Variants in RGMA observed in about 807,000 individuals in gnomAD.
RGMA encodes the protein repulsive guidance molecule A.
A neutral mutation model predicts 23.2 loss-of-function variants in RGMA; 10 were observed. That is an observed-to-expected ratio of 0.43 (90% CI 0.27 to 0.73). The LOEUF (loss-of-function observed/expected upper bound fraction) is 0.73. Among genes scored for constraint, RGMA ranks in the 30% least tolerant of loss-of-function variants. The pLI is 0.20. For missense variants in RGMA, 547 were observed against 630.5 expected (o/e 0.87, Z 1.42); for synonymous variants, 308 against 279.3 (o/e 1.10, Z -1.03).
At position 93,044,697 on chromosome 15, in the gene RGMA, G is replaced by C; in HGVS notation, c.*301C>G. ...CGGTTCCCAGTGTGTCTCTGGTGGG[G>C]GTGGGGGGCTTCAGCCTGAGGGGAT... On this transcript the variant is annotated 3_prime_UTR_variant, in exon 4 of 4. Coordinates refer to ENST00000329082, the MANE Select transcript of RGMA (RefSeq NM_020211.3). The C allele has an allele frequency of 2.2e-6, 1 of 444,668 alleles. No homozygotes were observed. The allele number at this position is 444,668 out of a possible 1,614,324, so 27.5% of individuals were successfully genotyped here.
intron 1 of RGMA, chr15:93,088,398 C>T: frequency 1.0e-6 from 1 of 985,720 alleles, no homozygotes; most frequent in Non-Finnish European, 1.2e-6. Context: ...AAGGTCCGCA[C>T]CTTCCCGTAC....
chr15:93,039,799 G>A lies in RGMA; in HGVS notation c.*5199C>T, dbSNP rs181584306. 1 of 152,276 alleles carries A rather than the reference G, an allele frequency of 6.6e-6. No individual in the cohort carries two copies. The highest frequency in any genetic ancestry group is 1.5e-5 in the Non-Finnish European group (1 of 68,070). 9.4% of individuals were successfully genotyped at this position (152,276 alleles called of 1,614,324 possible). On this transcript the variant is annotated 3_prime_UTR_variant, in exon 4 of 4. Transcript: ENST00000329082. ...TTTTCTTTATCCAGTCTATCATTGAGCCCATTATTTCTGATAATCGCTGCA... is the reference window on the plus strand; with the variant it reads ...TTTTCTTTATCCAGTCTATCATTGAACCCATTATTTCTGATAATCGCTGCA...
Position 93,040,208 on chromosome 15 carries a change from C to G in RGMA, c.*4790G>C, listed in dbSNP as rs1360713390. On this transcript the variant is annotated 3_prime_UTR_variant, in exon 4 of 4. Coordinates refer to ENST00000329082, the MANE Select transcript of RGMA (RefSeq NM_020211.3). ...TGGGTGACAGAGTGAGACCCTGTCT[C>G]TAAAAAAGAACAATAAAAAGACCCA... 6.6e-6 allele frequency: 1 copy of G among 152,250 alleles called. No individual in the cohort carries two copies. The highest frequency in any genetic ancestry group is 6.5e-5 in the Admixed American group (1 of 15,278). 9.4% of individuals were successfully genotyped at this position (152,250 alleles called of 1,614,324 possible). A position where few individuals can be genotyped will look rare whatever the true frequency, so the allele number is the denominator to read the frequency against.
chr15:93,063,025 C>T (rs1895020873), intron 2 of RGMA: 1 of 152,224 alleles, frequency 6.6e-6, no homozygotes, highest in Non-Finnish European at 1.5e-5. Flanking sequence ...GGCAGGGAGC[C>T]CCTGAAGCAT....
chr15:93,049,375 G>C (rs996605613), intron 3 of RGMA, among the ~76,000 whole-genome samples: 1 of 152,200 alleles, frequency 6.6e-6, no homozygotes, highest in Non-Finnish European at 1.5e-5. Context: ...TAACCAGCGG[G>C]GAAAGGAAGG....
In RGMA at chr15:93,036,834, A is replaced by C. The variant is rs891367330; in HGVS notation, c.*8164T>G. ...CCCTGCTTGTAACCTGGAGTGGGTC[A>C]GTTGGCTTCTCTTTGCTTCTGTCTG... is the stretch of plus-strand genomic sequence containing the variant. On this transcript the variant is annotated 3_prime_UTR_variant, in exon 4 of 4. Transcript: ENST00000329082. 2.2e-4 allele frequency: 34 copies of C among 152,364 alleles called. No homozygotes were observed. The highest frequency in any genetic ancestry group is 8.2e-4 in the African/African-American group (34 of 41,454). 9.4% of individuals were successfully genotyped at this position (152,364 alleles called of 1,614,324 possible).
chr15:93,053,393 A>G (rs768325494), intron 2 of RGMA, among the ~76,000 whole-genome samples: 2 of 152,142 alleles, frequency 1.3e-5, no homozygotes, highest in Non-Finnish European at 2.9e-5. Context: ...AAGTTCCTAC[A>G]TGGGTTCCAG....
chr15:93,043,221 T>C lies in RGMA; in HGVS notation c.*1777A>G, dbSNP rs73458342. ...ATAGGCATGGGCGCACACACAGGCA[T>C]GCGCACACATGCGTACATGCACGCA... is the stretch of plus-strand genomic sequence containing the variant. On this transcript the variant is annotated 3_prime_UTR_variant, in exon 4 of 4. Coordinates refer to ENST00000329082, the MANE Select transcript of RGMA (RefSeq NM_020211.3). 0.15 allele frequency: 12,406 copies of C among 81,672 alleles called. 694 individuals carry two copies. The highest frequency in any genetic ancestry group is 0.24 in the African/African-American group (6,414 of 26,396). 5.1% of individuals were successfully genotyped at this position (81,672 alleles called of 1,614,324 possible).
chr15:93,077,538 A>C (rs1431258929), intron 1 of RGMA, among the ~76,000 whole-genome samples: 4 of 152,206 alleles, frequency 2.6e-5, no homozygotes, highest in Admixed American at 2.0e-4. Context: ...TACTTTCAAT[A>C]AAATGGTGAT....
chr15:93,072,889 C>T lies in RGMA; in HGVS notation c.130+27G>A, dbSNP rs767046317. ...TGAGGGGCGGCCCAGGGACCCGGCC[C>T]CGCGCGCCCGGCCGGCAGTGCCTTA... On this transcript the variant is annotated intron_variant, in intron 2 of 3. Coordinates refer to ENST00000329082, the MANE Select transcript of RGMA (RefSeq NM_020211.3). 5.1e-6 allele frequency: 8 copies of T among 1,582,464 alleles called. No homozygotes were observed. In the African/African-American group the frequency reaches 8.1e-5, roughly 16 times the overall value.
Position 93,066,186 on chromosome 15 carries a change from C to T in RGMA, c.130+6730G>A, listed in dbSNP as rs780106486. The T allele has an allele frequency of 8.4e-6, 12 of 1,428,498 alleles. No homozygotes were observed. The Admixed American group carries it at 1.7e-4, about 20-fold the overall frequency. The allele number at this position is 1,428,498 out of a possible 1,614,324, so 88.5% of individuals were successfully genotyped here. A position where few individuals can be genotyped will look rare whatever the true frequency, so the allele number is the denominator to read the frequency against. The stretch of plus-strand genomic sequence containing the variant: ...CGGCTTCTGCACCCTTCTCTCCTTC[C>T]ACGACATCAAATTCCACAGTCTCCT... On this transcript the variant is annotated intron_variant, in intron 2 of 3. Transcript: ENST00000329082.
chr15:93,060,913 G>A (rs1894937998), intron 2 of RGMA, among the ~76,000 whole-genome samples: 1 of 152,206 alleles, frequency 6.6e-6, no homozygotes, highest in Admixed American at 6.5e-5. Context: ...CTGAAGTAGG[G>A]CGGCTTTGTG....
chr15:93,071,610 G>A (rs932246497), intron 2 of RGMA, among the ~76,000 whole-genome samples: 8 of 152,312 alleles, frequency 5.3e-5, no homozygotes, highest in African/African-American at 1.9e-4. Flanking sequence ...GCAGGGCTGG[G>A]ACTAGGGGGT....
In RGMA at chr15:93,052,247, G is replaced by A. The variant is rs201940016; in HGVS notation, c.391C>T (p.Pro131Ser). Reference sequence around the variant, plus strand: ...GAGCGCTCCTGGCTGTCTCCGGCCGGTGGGAGCGTGCGCAGGCGTGGCTGC... The same window carrying A: ...GAGCGCTCCTGGCTGTCTCCGGCCGATGGGAGCGTGCGCAGGCGTGGCTGC... ...TSQPRLRTLP[P>S]AGDSQERSDS... The change falls in exon 3 of 4, where the codon CCG becomes TCG. Residue 131 changes from proline to serine, a missense_variant. Coordinates refer to ENST00000329082, the MANE Select transcript of RGMA (RefSeq NM_020211.3). 1.1e-4 allele frequency: 183 copies of A among 1,606,270 alleles called. 1 individual carries two copies. The Middle Eastern group carries it at 1.5e-3, about 13-fold the overall frequency.
At chr15:93,058,000 G>A (rs1258428823) in intron 2 of RGMA, among the ~76,000 whole-genome samples, 2 of 152,132 alleles carry the variant, frequency 1.3e-5, no homozygotes, top group African/African-American at 4.8e-5. Flanking sequence ...AGTTTTCACG[G>A]CATCCTAAAA....
Position 93,040,782 on chromosome 15 carries a change from A to T in RGMA, c.*4216T>A, listed in dbSNP as rs2054714248. ...TGCTGGGTAGACACCCAATAGAGTTATCAAATGGATAAATAAATGCAATTG... is the reference window on the plus strand; with the variant it reads ...TGCTGGGTAGACACCCAATAGAGTTTTCAAATGGATAAATAAATGCAATTG... On this transcript the variant is annotated 3_prime_UTR_variant, in exon 4 of 4. Coordinates refer to ENST00000329082, the MANE Select transcript of RGMA (RefSeq NM_020211.3). The T allele has an allele frequency of 6.6e-6, 1 of 152,222 alleles. No homozygotes were observed. Among genetic ancestry groups the T allele is most frequent in the African/African-American group, 2.4e-5 (1 of 41,446 alleles). The allele number at this position is 152,222 out of a possible 1,614,324, so 9.4% of individuals were successfully genotyped here.
intron 2 of RGMA, chr15:93,066,025 C>G: frequency 6.8e-7 from 1 of 1,473,286 alleles, no homozygotes; most frequent in Non-Finnish European, 9.4e-7. Context: ...AGGTTCTGTC[C>G]CCGCTGAAGG....
intron 1 of RGMA, 106 bp from the exon 2 acceptor site, chr15:93,073,137 C>A: frequency 2.4e-6 from 3 of 1,269,208 alleles, no homozygotes; most frequent in Admixed American, 4.3e-5. Flanking sequence ...CCGTCCACCT[C>A]GGCCGCGGGC....
Position 93,045,000 on chromosome 15 carries a change from A to G in RGMA, c.1351T>C (p.Ter451GlnextTer63). Residue 451 changes from the stop codon to glutamine, a stop_lost, in exon 4 of 4, where the codon TAG becomes CAG. Coordinates refer to ENST00000329082, the MANE Select transcript of RGMA (RefSeq NM_020211.3). ...CGCCTCCCTCCACATCTACGCGTCT[A>G]GCAGAACACAGGGAGCAGGGCCAGG... is the stretch of plus-strand genomic sequence containing the variant. ...PLLALLPVFC* is the reference protein window; with the variant it reads ...PLLALLPVFCQ 1 of 1,597,750 alleles carries G rather than the reference A, an allele frequency of 6.3e-7. No individual in the cohort carries two copies. Among genetic ancestry groups the G allele is most frequent in the Non-Finnish European group, 8.5e-7 (1 of 1,172,612 alleles).
Sources: gnomAD v4.1 joint callset for allele counts (sites outside exome capture counted in the v4.1 genomes callset) on GRCh38, gnomAD v4.1.1 for gene constraint, MANE v1.5 for transcripts, NCBI Gene and HGNC (gene_info 2026-07-23, HGNC 2026-07-21) for gene names.